Variants in CCDC196 observed in about 807,000 individuals in gnomAD.
CCDC196 encodes the protein coiled-coil domain-containing protein 196.
Position 66,492,331 on chromosome 14 carries a change from T to G in CCDC196, c.715+137T>G, listed in dbSNP as rs970158637. The G allele has an allele frequency of 5.0e-4, 177 of 355,514 alleles. 1 individual carries two copies. The highest frequency in any genetic ancestry group is 1.3e-3 in the Admixed American group (19 of 15,162). 22.0% of individuals were successfully genotyped at this position (355,514 alleles called of 1,614,324 possible). A position where few individuals can be genotyped will look rare whatever the true frequency, so the allele number is the denominator to read the frequency against. On this transcript the variant is annotated intron_variant, in intron 8 of 9. Coordinates refer to ENST00000636229, the MANE Select transcript of CCDC196 (RefSeq NM_001351576.1). Reference sequence around the variant, plus strand: ...TGTTAGTAGTACAGTAATTAATTTTTTCATTATCTTTTTTTTTTTTTTGAG... The same window carrying G: ...TGTTAGTAGTACAGTAATTAATTTTGTCATTATCTTTTTTTTTTTTTTGAG...
At chr14:66,494,700 T>G (rs2057621521) in intron 8 of CCDC196, 1 of 152,210 alleles carries the variant, frequency 6.6e-6, no homozygotes, top group African/African-American at 2.4e-5. Flanking sequence ...GAGATCTATT[T>G]TATCTCCATT....
chr14:66,490,825 T>C lies in CCDC196; in HGVS notation c.429+6T>C. On this transcript the variant is annotated splice_donor_region_variant and intron_variant, in intron 5 of 9. Coordinates refer to ENST00000636229, the MANE Select transcript of CCDC196 (RefSeq NM_001351576.1). ...CAGACTTGCAGGATGGAAAGGCAAGTGGACTGCATGTACTTAAAATTTCAA... is the reference window on the plus strand; with the variant it reads ...CAGACTTGCAGGATGGAAAGGCAAGCGGACTGCATGTACTTAAAATTTCAA... 1 of 400,142 alleles carries C rather than the reference T, an allele frequency of 2.5e-6. No homozygotes were observed. The highest frequency in any genetic ancestry group is 4.4e-6 in the Non-Finnish European group (1 of 226,114). The allele number at this position is 400,142 out of a possible 1,614,324, so 24.8% of individuals were successfully genotyped here. A position where few individuals can be genotyped will look rare whatever the true frequency, so the allele number is the denominator to read the frequency against.
In CCDC196 at chr14:66,492,157, G is replaced by A. The variant is rs2139597060; in HGVS notation, c.678G>A (p.Glu226=). The change falls in exon 8 of 10, where the codon GAG becomes GAA. Residue 226 remains glutamate, a synonymous_variant. Coordinates refer to ENST00000636229, the MANE Select transcript of CCDC196 (RefSeq NM_001351576.1). ...KLSLYLQQNF[E]PMQAFLNLPG... ...CACTGTATTTGCAGCAGAATTTTGA[G>A]CCAATGCAAGCATTTTTAAATCTTC... The A allele has an allele frequency of 2.4e-6, 1 of 413,864 alleles. No homozygotes were observed. The highest frequency in any genetic ancestry group is 1.3e-4 in the South Asian group (1 of 7,852). 25.6% of individuals were successfully genotyped at this position (413,864 alleles called of 1,614,324 possible).
rs1181188311 is a variant in CCDC196, at chr14:66,492,400, A to T, written c.715+206A>T. Among the ~76,000 whole-genome samples, 3 of 148,470 alleles carry T rather than the reference A, an allele frequency of 2.0e-5. No individual in the cohort carries two copies. The Admixed American group carries it at 2.0e-4, about 10-fold the overall frequency. On this transcript the variant is annotated intron_variant, in intron 8 of 9. Coordinates refer to ENST00000636229, the MANE Select transcript of CCDC196 (RefSeq NM_001351576.1). ...GCCCAGGCTGGAGTGCAGTGGTGCG[A>T]TCTCAGCTCACTGCTACCTCTGCCT...
chr14:66,492,203 A>C lies in CCDC196; in HGVS notation c.715+9A>C, dbSNP rs2057556547. 4.8e-6 allele frequency: 2 copies of C among 413,860 alleles called. No homozygotes were observed. Among genetic ancestry groups the C allele is most frequent in the Non-Finnish European group, 8.8e-6 (2 of 226,222 alleles). The allele number at this position is 413,860 out of a possible 1,614,324, so 25.6% of individuals were successfully genotyped here. On this transcript the variant is annotated intron_variant, in intron 8 of 9. Coordinates refer to ENST00000636229, the MANE Select transcript of CCDC196 (RefSeq NM_001351576.1). ...TCTTCCTGGGTCCCAAGGTAGGTAG[A>C]ATATCCCAGGTACACAGTTTGAGGT...
At chr14:66,498,213 T>C (rs978627186) in intron 9 of CCDC196, 46 bp downstream of exon 9, 5 of 412,846 alleles carry the variant, frequency 1.2e-5, no homozygotes, top group Non-Finnish European at 1.8e-5. Flanking sequence ...TTTTAAGGGC[T>C]TGAATAGATA....
chr14:66,495,299 C>T (rs1453474115), intron 8 of CCDC196, among the ~76,000 whole-genome samples: 2 of 152,054 alleles, frequency 1.3e-5, no homozygotes, highest in African/African-American at 4.8e-5. Flanking sequence ...CTGAGGCTCA[C>T]CAGTTATATG....
intron 8 of CCDC196, among the ~76,000 whole-genome samples, chr14:66,497,724 G>C (rs942400442): frequency 1.4e-4 from 21 of 151,710 alleles, no homozygotes; most frequent in Non-Finnish European, 2.5e-4. Context: ...CATTCTGTCT[G>C]CTTCCTCTTT....
intron 8 of CCDC196, chr14:66,496,239 T>A (rs1180858184): frequency 2.2e-6 from 1 of 456,242 alleles, no homozygotes; most frequent in African/African-American, 2.0e-5. Context: ...TTCTAAGCAT[T>A]TCCAAGTAGA....
intron 4 of CCDC196, among the ~76,000 whole-genome samples, chr14:66,490,392 T>C (rs551210338): frequency 6.6e-6 from 1 of 152,344 alleles, no homozygotes; most frequent in East Asian, 1.9e-4. Flanking sequence ...CTCAGGTTTC[T>C]CATCTATAAT....
chr14:66,498,079 A>G (rs906121060), intron 8 of CCDC196, 30 bp from the exon 9 acceptor site: 2 of 411,068 alleles, frequency 4.9e-6, no homozygotes, highest in African/African-American at 4.1e-5. Context: ...CCTCAAAAGA[A>G]GCTCTTATTT....
chr14:66,495,911 TA>T (rs1566717702), intron 8 of CCDC196: 1 of 176,518 alleles, frequency 5.7e-6, no homozygotes, highest in African/African-American at 2.4e-5. Context: ...AATTTTTACC[TA>T]GTATTTTACT....
In CCDC196 at chr14:66,489,008, C is replaced by T. The variant is rs977078686; in HGVS notation, c.322C>T (p.Arg108Trp). The T allele has an allele frequency of 1.9e-5, 8 of 413,088 alleles. No individual in the cohort carries two copies. The highest frequency in any genetic ancestry group is 6.2e-4 in the Middle Eastern group (1 of 1,612). The allele number at this position is 413,088 out of a possible 1,614,324, so 25.6% of individuals were successfully genotyped here. Residue 108 changes from arginine (R) to tryptophan (W), a missense_variant, in exon 4 of 10, where the codon CGG becomes TGG. Arg to Trp is a moderately radical substitution (Grantham distance 101). Transcript: ENST00000636229. ...ACAGGAAAGGAAAAACAAGATGCTT[C>T]GGAAGGAAATGGAGATGCTATGGAA... ...QNLERKNKML[R>W]KEMEMLWNKT...
rs1438315919 is a variant in CCDC196 at position 66,491,095 on chromosome 14, G to A, written c.504G>A (p.Glu168=). The A allele has an allele frequency of 4.8e-6, 2 of 413,316 alleles. No homozygotes were observed. Among genetic ancestry groups the A allele is most frequent in the Non-Finnish European group, 8.8e-6 (2 of 226,132 alleles). 25.6% of individuals were successfully genotyped at this position (413,316 alleles called of 1,614,324 possible). The part of the protein sequence containing the change: ...LEKSFAEKVK[E]IRKEKQQRKM... ...AATCATTTGCAGAGAAAGTGAAGGA[G>A]ATAAGGAAGGTAGTACAGCCATTCT... Residue 168 remains glutamate, a synonymous_variant, in exon 6 of 10, where the codon GAG becomes GAA. Coordinates refer to ENST00000636229, the MANE Select transcript of CCDC196 (RefSeq NM_001351576.1).
chr14:66,496,753 A>G (rs2057676578), intron 8 of CCDC196: 1 of 168,108 alleles, frequency 5.9e-6, no homozygotes, highest in Non-Finnish European at 1.3e-5. Context: ...CAGCAATAAT[A>G]TAACTTGTGT....
At chr14:66,497,448 A>G (rs1438997644) in intron 8 of CCDC196, among the ~76,000 whole-genome samples, 1 of 152,146 alleles carries the variant, frequency 6.6e-6, no homozygotes, top group East Asian at 1.9e-4. Flanking sequence ...GTCTAGGAAA[A>G]TGTTATCATA....
chr14:66,496,393 C>T, intron 8 of CCDC196: 1 of 455,994 alleles, frequency 2.2e-6, no homozygotes, highest in South Asian at 1.6e-5. Context: ...TACACTTCAA[C>T]AAATCCCTAC....
intron 2 of CCDC196, among the ~76,000 whole-genome samples, chr14:66,487,042 C>A (rs2057418988): frequency 6.6e-6 from 1 of 152,186 alleles, no homozygotes; most frequent in East Asian, 1.9e-4. Flanking sequence ...CTAGTTATAA[C>A]TCTTCCTCCC....
At chr14:66,491,821 A>G (rs1459649837) in intron 7 of CCDC196, 136 bp downstream of exon 7, 1 of 411,698 alleles carries the variant, frequency 2.4e-6, no homozygotes, top group Non-Finnish European at 4.4e-6. Flanking sequence ...TGTATCATAG[A>G]AAGATAGCTG....
Sources: gnomAD v4.1 joint callset for allele counts (sites outside exome capture counted in the v4.1 genomes callset) on GRCh38, gnomAD v4.1.1 for gene constraint, MANE v1.5 for transcripts, NCBI Gene and HGNC (gene_info 2026-07-23, HGNC 2026-07-21) for gene names.